Variants in C16orf96 observed in about 807,000 individuals in gnomAD.
C16orf96 encodes the protein uncharacterized protein C16orf96.
A neutral mutation model predicts 103.6 loss-of-function variants in C16orf96; 108 were observed. The observed-to-expected ratio is 1.04, with a 90% CI of 0.89 to 1.22. The LOEUF is 1.22. Ranked by LOEUF, C16orf96 falls within the 50% of genes most tolerant of loss-of-function variation. The probability of loss-of-function intolerance (pLI) is 0.00; values close to 1 mark genes in which losing one functional copy is unlikely to be tolerated. For synonymous variants in C16orf96, 566 were observed against 593.5 expected, an observed-to-expected ratio of 0.95 and a Z score of 0.67; for missense variants, 1,586 against 1,464.2, an observed-to-expected ratio of 1.08 and a Z score of -1.36.
chr16:4,588,944 C>A (rs1045207484), intron 9 of C16orf96, among the ~76,000 whole-genome samples: 6 of 152,112 alleles, frequency 3.9e-5, no homozygotes, highest in South Asian at 2.1e-4. Context: ...GTTGCAAGAA[C>A]CATGTAGCAC....
At chr16:4,547,668 C>CCTTCCTTG in the C16orf96 span, among the ~76,000 whole-genome samples, 642 of 67,534 alleles carry the variant, frequency 9.5e-3, 10 homozygotes, top group Non-Finnish European at 0.015. Context: ...TTCCTTCCTT[C>CCTTCCTTG]CTTGCTTCCT....
the C16orf96 span, among the ~76,000 whole-genome samples, chr16:4,545,413 A>G: frequency 6.6e-6 from 1 of 152,180 alleles, no homozygotes. Flanking sequence ...GCTGGTGTCA[A>G]CTTCCTGAGC....
intron 1 of C16orf96, among the ~76,000 whole-genome samples, chr16:4,558,239 G>T (rs778767029): frequency 9.2e-5 from 14 of 152,224 alleles, no homozygotes; most frequent in Non-Finnish European, 1.9e-4. Context: ...TCTGACCCTG[G>T]CTCACCTTTG....
At chr16:4,577,206 C>CA (rs887635706) in intron 5 of C16orf96, among the ~76,000 whole-genome samples, 4 of 151,388 alleles carry the variant, frequency 2.6e-5, no homozygotes, top group Admixed American at 6.6e-5. Context: ...ACAACAACAA[C>CA]AAAAAAAACT....
At chr16:4,577,645 C>T (rs1367212222) in intron 5 of C16orf96, among the ~76,000 whole-genome samples, 9 of 148,880 alleles carry the variant, frequency 6.0e-5, no homozygotes, top group African/African-American at 1.7e-4. Context: ...AGCTAGACTC[C>T]GTCTCAAAAA....
chr16:4,582,978 G>C (rs1896829467), intron 7 of C16orf96, among the ~76,000 whole-genome samples: 1 of 152,178 alleles, frequency 6.6e-6, no homozygotes, highest in Non-Finnish European at 1.5e-5. Context: ...GCTCACGCCT[G>C]TAATCCCAGC....
chr16:4,591,371 G>A (rs1249125119), intron 9 of C16orf96, among the ~76,000 whole-genome samples: 1 of 152,078 alleles, frequency 6.6e-6, no homozygotes, highest in Non-Finnish European at 1.5e-5. Context: ...GTCTCAGACC[G>A]CCCAGCCTGC....
At chr16:4,569,613 T>C (rs1273535573) in intron 1 of C16orf96, among the ~76,000 whole-genome samples, 3 of 150,830 alleles carry the variant, frequency 2.0e-5, no homozygotes, top group African/African-American at 7.3e-5. Context: ...GCCCCTGTAG[T>C]CTCAGCTACT....
chr16:4,584,009 G>A (rs988019383), intron 7 of C16orf96, among the ~76,000 whole-genome samples: 1 of 151,820 alleles, frequency 6.6e-6, no homozygotes, highest in South Asian at 2.1e-4. Flanking sequence ...CTACAGGAAG[G>A]ATGGATTACT....
chr16:4,562,063 G>A (rs1179729974), intron 1 of C16orf96, among the ~76,000 whole-genome samples: 2 of 152,090 alleles, frequency 1.3e-5, no homozygotes, highest in Non-Finnish European at 2.9e-5. Flanking sequence ...GTCTTTTTGA[G>A]GGAATGAGAT....
intron 7 of C16orf96, among the ~76,000 whole-genome samples, chr16:4,584,697 G>T (rs1321994054): frequency 6.6e-6 from 1 of 152,032 alleles, no homozygotes; most frequent in Non-Finnish European, 1.5e-5. Context: ...ACCACACTCG[G>T]CTAATTTTTT....
the C16orf96 span, among the ~76,000 whole-genome samples, chr16:4,542,654 T>C: frequency 6.0e-5 from 9 of 151,232 alleles, no homozygotes; most frequent in East Asian, 1.6e-3. Context: ...AAAAATTAGC[T>C]TGACATGGTG....
upstream of C16orf96, among the ~76,000 whole-genome samples, chr16:4,554,355 T>C (rs2141683265): frequency 6.6e-6 from 1 of 151,942 alleles, no homozygotes; most frequent in East Asian, 1.9e-4. Flanking sequence ...CTTTTTCTTT[T>C]TCTTTTTTTT....
At chr16:4,584,679 C>T (rs376262724) in intron 7 of C16orf96, among the ~76,000 whole-genome samples, 9 of 152,098 alleles carry the variant, frequency 5.9e-5, no homozygotes, top group Admixed American at 5.9e-4. Flanking sequence ...GGGTAACAGG[C>T]GTTTGCCACC....
Position 4,591,785 on chromosome 16 carries a change from G to A in C16orf96, c.2711+1G>A, listed in dbSNP as rs1233567674. ...CTGACAGTGCTGCTGGCTTTAGGAG[G>A]TGAGTGCCCGCCCGAGCCCCTCCTG... On this transcript the variant is annotated splice_donor_variant, in intron 10 of 15. Transcript: ENST00000444310. LOFTEE classifies it high-confidence loss of function. 2 of 1,538,886 alleles carry A rather than the reference G, an allele frequency of 1.3e-6. No homozygotes were observed. Among genetic ancestry groups the A allele is most frequent in the Non-Finnish European group, 1.8e-6 (2 of 1,141,826 alleles).
intron 5 of C16orf96, among the ~76,000 whole-genome samples, chr16:4,576,879 G>A (rs2059517210): frequency 6.6e-6 from 1 of 152,150 alleles, no homozygotes; most frequent in African/African-American, 2.4e-5. Flanking sequence ...GAGGAAAATG[G>A]CATGCCAAAA....
chr16:4,600,421 G>A lies in C16orf96; in HGVS notation c.*104G>A. The A allele has an allele frequency of 2.5e-6, 2 of 808,152 alleles. No homozygotes were observed. Among genetic ancestry groups the A allele is most frequent in the South Asian group, 3.3e-5 (2 of 60,816 alleles). 50.1% of individuals were successfully genotyped at this position (808,152 alleles called of 1,614,324 possible). A position where few individuals can be genotyped will look rare whatever the true frequency, so the allele number is the denominator to read the frequency against. ...CCAAGTCCCCTCCACATCGGAGGCT[G>A]AGGCCTATGTGGCCCCCCACCCCCA... is the stretch of plus-strand genomic sequence containing the variant. On this transcript the variant is annotated 3_prime_UTR_variant, in exon 16 of 16. Coordinates refer to ENST00000444310, the MANE Select transcript of C16orf96 (RefSeq NM_001145011.2).
chr16:4,557,031 G>A (rs982445639), intron 1 of C16orf96, 122 bp downstream of exon 1: 32 of 1,174,954 alleles, frequency 2.7e-5, no homozygotes, highest in African/African-American at 9.3e-5. Flanking sequence ...GTGCAGTGGT[G>A]TGATCTTGGC....
rs17137158 is a variant in C16orf96, at chr16:4,589,669, G to A, written c.2592+1338G>A. Among the ~76,000 whole-genome samples, 543 of 152,180 alleles carry A rather than the reference G, an allele frequency of 3.6e-3. 7 individuals are homozygous for A. Among genetic ancestry groups the A allele is most frequent in the African/African-American group, 0.012 (515 of 41,516 alleles). ...ATGAAGAGATTTTACTTGTTTCCTG[G>A]TTTAATTGAACCACATCTACAAATG... On this transcript the variant is annotated intron_variant, in intron 9 of 15. Transcript: ENST00000444310.
Sources: gnomAD v4.1 joint callset for allele counts (sites outside exome capture counted in the v4.1 genomes callset) on GRCh38, gnomAD v4.1.1 for gene constraint, MANE v1.5 for transcripts, NCBI Gene and HGNC (gene_info 2026-07-23, HGNC 2026-07-21) for gene names.